Variants in TRIOBP observed in about 807,000 individuals in gnomAD.
TRIOBP encodes TRIO and F-actin binding protein.
TRIOBP carries 169 observed loss-of-function variants against 238.8 expected under a neutral mutation model. The ratio of observed to expected loss-of-function variants is 0.71; its 90% CI spans 0.62 to 0.80. The LOEUF (loss-of-function observed/expected upper bound fraction) is 0.80, where lower values mean the gene tolerates loss of function less well. Among genes scored for constraint, TRIOBP ranks in the 30% least tolerant of loss-of-function variants. The pLI, the probability that TRIOBP is intolerant of heterozygous loss-of-function variation, is 0.00. For synonymous variants in TRIOBP, 1,150 were observed against 1,274.4 expected (o/e 0.90, Z 2.08); for missense variants, 2,838 against 3,122.6 (o/e 0.91, Z 2.17).
Position 37,751,783 on chromosome 22 carries a change from C to G in TRIOBP, c.5334C>G (p.Leu1778=). ...TCATCTCCCCACAGCCCGATCTGCT[C>G]AACTTCAAGAAGGGATGGATGTCGA... ...GVLRWRRPDL[L]NFKKGWMSIL... Residue 1778 remains leucine (L), a synonymous_variant, in exon 12 of 24, where the codon CTC becomes CTG. Transcript: ENST00000644935. 2 of 1,614,156 alleles carry G rather than the reference C, an allele frequency of 1.2e-6. No individual in the cohort carries two copies. Among genetic ancestry groups the G allele is most frequent in the Non-Finnish European group, 1.7e-6 (2 of 1,180,004 alleles).
rs1450193154 is a variant in TRIOBP at position 37,726,452 on chromosome 22, C to T, written c.3896C>T (p.Thr1299Ile). 6 of 1,570,764 alleles carry T rather than the reference C, an allele frequency of 3.8e-6. No homozygotes were observed. The African/African-American group carries it at 6.7e-5, about 18-fold the overall frequency. The change falls in exon 7 of 24, where the codon ACC becomes ATC. Residue 1299 changes from threonine (T) to isoleucine (I), a missense_variant. Around this residue, in one of 5 missense-constraint regions of TRIOBP, gnomAD observed 2,096 missense variants for 2,137.4 expected, o/e 0.98. Transcript: ENST00000644935. Reference protein sequence around the residue: ...PQAQCSSGGRTHSPGRAEVER... With the variant: ...PQAQCSSGGRIHSPGRAEVER... Reference sequence around the variant, plus strand: ...GCGCAGTGCAGCAGCGGGGGCCGCACCCACAGCCCTGGCCGTGCAGAGGTG... The same window carrying T: ...GCGCAGTGCAGCAGCGGGGGCCGCATCCACAGCCCTGGCCGTGCAGAGGTG...
chr22:37,767,679 A>G (rs931256933), intron 18 of TRIOBP, among the ~76,000 whole-genome samples: 5 of 152,166 alleles, frequency 3.3e-5, no homozygotes, highest in African/African-American at 1.2e-4. Flanking sequence ...CAAAGCAGAT[A>G]GGCCTTGTTT....
At chr22:37,706,048 A>G (rs1367779247) in intron 3 of TRIOBP, among the ~76,000 whole-genome samples, 2 of 152,078 alleles carry the variant, frequency 1.3e-5, no homozygotes, top group African/African-American at 4.8e-5. Context: ...GGGCTTTGAG[A>G]TGGAGGCAAA....
chr22:37,733,567 C>T (rs554025794), intron 8 of TRIOBP, among the ~76,000 whole-genome samples, 155 bp downstream of exon 8: 4 of 152,252 alleles, frequency 2.6e-5, no homozygotes, highest in South Asian at 2.1e-4. Context: ...CTCTCCCCAA[C>T]GGCCAGCAGC....
chr22:37,725,780 CG>C lies in TRIOBP; in HGVS notation c.3225del (p.Arg1078AlafsTer135), dbSNP rs1924112833. 6.2e-7 allele frequency: 1 copy of C among 1,606,762 alleles called. No individual in the cohort carries two copies. Among genetic ancestry groups the C allele is most frequent in the East Asian group, 2.2e-5 (1 of 44,738 alleles). ...CACCGAGATGCCCCCCGGGCGTCCT[CG>C]CCCCCCCGCCACACCCAATTTGACC... ...IGHRDAPRAS[S>X]PPRHTQFDPF... On this transcript the variant is annotated frameshift_variant, in exon 7 of 24. Transcript: ENST00000644935. LOFTEE classifies it high-confidence loss of function.
intron 7 of TRIOBP, among the ~76,000 whole-genome samples, chr22:37,731,994 C>G (rs1924445244): frequency 6.6e-6 from 1 of 152,210 alleles, no homozygotes; most frequent in Non-Finnish European, 1.5e-5. Context: ...CCTCATACTT[C>G]CCTTTTTGCT....
chr22:37,709,117 T>C (rs968066551), intron 3 of TRIOBP, among the ~76,000 whole-genome samples: 4 of 152,136 alleles, frequency 2.6e-5, no homozygotes, highest in African/African-American at 9.7e-5. Context: ...TGAAACTGAA[T>C]CCCACCAGGC....
chr22:37,715,079 A>G (rs889896369), intron 5 of TRIOBP, among the ~76,000 whole-genome samples: 67 of 152,238 alleles, frequency 4.4e-4, no homozygotes, highest in African/African-American at 1.5e-3. Context: ...CAGTGCCACA[A>G]TCTCAGCTCA....
intron 14 of TRIOBP, 126 bp downstream of exon 14, chr22:37,755,316 C>T: frequency 9.3e-7 from 1 of 1,078,092 alleles, no homozygotes; most frequent in Non-Finnish European, 1.4e-6. Flanking sequence ...CCCAGAGGCC[C>T]TATCTTCAGA....
intron 6 of TRIOBP, among the ~76,000 whole-genome samples, chr22:37,719,998 C>A (rs1399723763): frequency 1.9e-3 from 27 of 13,876 alleles, no homozygotes; most frequent in African/African-American, 5.1e-3. Context: ...TCCCCCCCCG[C>A]CCTTTTTTTT....
At chr22:37,726,576 G>T in intron 7 of TRIOBP, 73 bp downstream of exon 7, 3 of 1,373,784 alleles carry the variant, frequency 2.2e-6, no homozygotes, top group Middle Eastern at 2.6e-4. Flanking sequence ...AAGGGTTAGG[G>T]TGCCAAAAGA....
chr22:37,771,074 C>G (rs1439633066), intron 21 of TRIOBP, among the ~76,000 whole-genome samples: 2 of 152,232 alleles, frequency 1.3e-5, no homozygotes, highest in Non-Finnish European at 2.9e-5. Flanking sequence ...CTCATCTAAT[C>G]TTCCTGACAG....
At chr22:37,702,636 T>C (rs3985987) in intron 3 of TRIOBP, among the ~76,000 whole-genome samples, 22 of 51,560 alleles carry the variant, frequency 4.3e-4, no homozygotes, top group African/African-American at 8.8e-4. Flanking sequence ...CTCTCTCTCT[T>C]TTTTTTTTTT....
chr22:37,765,650 C>A lies in TRIOBP; in HGVS notation c.6325-20C>A. ...CAGAGGAACGGGGCAGCCTGTGACA[C>A]CCTGGCGTCCGGCCCACAGGAGGCA... On this transcript the variant is annotated intron_variant, in intron 17 of 23. Transcript: ENST00000644935. 6.5e-7 allele frequency: 1 copy of A among 1,548,958 alleles called. No homozygotes were observed. Among genetic ancestry groups the A allele is most frequent in the Non-Finnish European group, 8.7e-7 (1 of 1,146,828 alleles).
In TRIOBP at chr22:37,774,830, C is replaced by G. The variant is rs1215842736; in HGVS notation, c.*1050C>G. ...AGTCTGAGGAGCCCTGGAGTAGGGCCCAGGGCCCAGGCCTGAGAGAGAGGC... is the reference window on the plus strand; with the variant it reads ...AGTCTGAGGAGCCCTGGAGTAGGGCGCAGGGCCCAGGCCTGAGAGAGAGGC... On this transcript the variant is annotated 3_prime_UTR_variant, in exon 24 of 24. Transcript: ENST00000644935. The G allele has an allele frequency of 1.4e-5, 2 of 142,688 alleles. No homozygotes were observed. The highest frequency in any genetic ancestry group is 5.3e-5 in the African/African-American group (2 of 37,610). The allele number at this position is 142,688 out of a possible 1,614,324, so 8.8% of individuals were successfully genotyped here.
Position 37,738,681 on chromosome 22 carries a change from G to A in TRIOBP, c.5146G>A (p.Gly1716Ser). The A allele has an allele frequency of 1.9e-6, 3 of 1,613,974 alleles. No individual in the cohort carries two copies. The highest frequency in any genetic ancestry group is 2.5e-6 in the Non-Finnish European group (3 of 1,179,990). Reference protein sequence around the residue: ...EEPEESEPSRGQDPLTDQKQA... With the variant: ...EEPEESEPSRSQDPLTDQKQA... ...GCCTGAGGAGTCAGAACCAAGCAGA[G>A]GCCAAGACCCCCTGACTGACCAGAA... The change falls in exon 10 of 24, where the codon GGC becomes AGC. Residue 1716 changes from glycine (G) to serine (S), a missense_variant. Physicochemically the swap from Gly to Ser is moderately conservative, Grantham distance 56. Coordinates refer to ENST00000644935, the MANE Select transcript of TRIOBP (RefSeq NM_001039141.3).
At chr22:37,746,345 G>A in intron 11 of TRIOBP, 3 of 1,175,182 alleles carry the variant, frequency 2.6e-6, no homozygotes, top group Non-Finnish European at 2.1e-6. Flanking sequence ...GGGTTCCCGC[G>A]CCGCGGAGCC....
intron 9 of TRIOBP, among the ~76,000 whole-genome samples, chr22:37,737,180 G>A (rs992847447): frequency 6.6e-6 from 1 of 152,152 alleles, no homozygotes; most frequent in Non-Finnish European, 1.5e-5. Context: ...GCCACAGGCC[G>A]GCCAGGTCAA....
rs747145117 is a variant in TRIOBP, at chr22:37,725,566, CT to C, written c.3011del (p.Leu1004ArgfsTer209). 6.2e-7 allele frequency: 1 copy of C among 1,613,690 alleles called. No individual in the cohort carries two copies. Among genetic ancestry groups the C allele is most frequent in the Non-Finnish European group, 8.5e-7 (1 of 1,179,994 alleles). Reference sequence around the variant, plus strand: ...GTACCCCGCTGCCTATGGGGCTCCCCTGACCTCTCCTGAGCCCTCCCAGCCT... The same window carrying C: ...GTACCCCGCTGCCTATGGGGCTCCCCGACCTCTCCTGAGCCCTCCCAGCCT... ...PVYPAAYGAPLTSPEPSQPPC... is the reference protein window; with the variant it reads ...PVYPAAYGAPXTSPEPSQPPC... On this transcript the variant is annotated frameshift_variant, in exon 7 of 24. Transcript: ENST00000644935. LOFTEE classifies it high-confidence loss of function.
Sources: allele counts gnomAD v4.1 joint callset (sites outside exome capture counted in the v4.1 genomes callset), GRCh38; gene constraint gnomAD v4.1.1; regional missense constraint gnomAD v4.1.1; transcripts MANE v1.5; gene names NCBI Gene and HGNC (gene_info 2026-07-23, HGNC 2026-07-21).